Variants in DPP6 observed in about 807,000 individuals in gnomAD.
DPP6 encodes A-type potassium channel modulatory protein DPP6.
DPP6 carries 69 observed loss-of-function variants against 122.6 expected under a neutral mutation model. The ratio of observed to expected loss-of-function variants is 0.56; its 90% CI spans 0.46 to 0.69. The LOEUF (loss-of-function observed/expected upper bound fraction) is 0.69, where lower values mean the gene tolerates loss of function less well. Ranked by LOEUF, DPP6 falls within the 30% of genes least tolerant of loss-of-function variation. The probability of loss-of-function intolerance (pLI) is 0.00; values close to 1 mark genes in which losing one functional copy is unlikely to be tolerated. For missense variants in DPP6, 928 were observed against 1,116.9 expected (o/e 0.83, Z 2.41); for synonymous variants, 418 against 433.1 (o/e 0.97, Z 0.43).
chr7:153,873,904 G>C, the DPP6 span, among the ~76,000 whole-genome samples: 2 of 152,210 alleles, frequency 1.3e-5, no homozygotes, highest in African/African-American at 4.8e-5. Context: ...GATTTCTATA[G>C]ACTTGGGGTC....
At chr7:154,883,680 A>G (rs1805707007) in intron 21 of DPP6, 1 of 149,952 alleles carries the variant, frequency 6.7e-6, no homozygotes, top group Admixed American at 6.6e-5. Context: ...GATTACATAC[A>G]CCTGCTCACA....
At chr7:153,863,363 T>G in the DPP6 span, among the ~76,000 whole-genome samples, 1 of 152,178 alleles carries the variant, frequency 6.6e-6, no homozygotes, top group Non-Finnish European at 1.5e-5. Context: ...GTTCCAAGTC[T>G]TTGCTGTTGT....
chr7:153,772,523 CAAT>C, the DPP6 span, among the ~76,000 whole-genome samples: 2 of 151,606 alleles, frequency 1.3e-5, no homozygotes, highest in Non-Finnish European at 2.9e-5. Context: ...ACAATGAAAA[CAAT>C]AAGCAAAAAT....
In DPP6 at chr7:154,443,497, TTGACAG is replaced by T. The variant is rs1554551013; in HGVS notation, c.244-2716_244-2711del. Among the ~76,000 whole-genome samples, 510 of 112,714 alleles carry T rather than the reference TTGACAG, an allele frequency of 4.5e-3. 11 individuals are homozygous for T. The highest frequency in any genetic ancestry group is 0.019 in the African/African-American group (413 of 21,802). 73.9% of individuals were successfully genotyped at this position (112,714 alleles called of 152,430 possible). ...CATGTGTTGGATGGATGGATGTGGA[TTGACAG>T]ATACATGGATGGATGGATGGATGGA... On this transcript the variant is annotated intron_variant, in intron 1 of 25. Transcript: ENST00000377770.
chr7:154,574,008 GT>G (rs1831291041), intron 5 of DPP6, among the ~76,000 whole-genome samples: 1 of 152,158 alleles, frequency 6.6e-6, no homozygotes, highest in African/African-American at 2.4e-5. Flanking sequence ...TTGTTGTATT[GT>G]TTTGACACAG....
chr7:153,782,148 T>C, the DPP6 span, among the ~76,000 whole-genome samples: 1 of 151,950 alleles, frequency 6.6e-6, no homozygotes, highest in Non-Finnish European at 1.5e-5. Flanking sequence ...CCCAGCCCCA[T>C]CTTTTGGGGA....
chr7:154,200,802 A>C (rs57724365), intron 1 of DPP6, among the ~76,000 whole-genome samples: 15,584 of 152,228 alleles, frequency 0.1, 1,866 homozygotes, highest in African/African-American at 0.29. Context: ...ACACCTAGAA[A>C]GTTAGCCCCG....
chr7:154,619,315 G>C (rs530612772), intron 5 of DPP6, among the ~76,000 whole-genome samples: 2 of 152,288 alleles, frequency 1.3e-5, no homozygotes, highest in South Asian at 4.1e-4. Context: ...TCAAATCAAC[G>C]TAAGCCTCGT....
At chr7:154,736,491 AC>A (rs1215707407) in intron 8 of DPP6, among the ~76,000 whole-genome samples, 1 of 152,244 alleles carries the variant, frequency 6.6e-6, no homozygotes, top group African/African-American at 2.4e-5. Context: ...CTATTAAAAA[AC>A]ACAAAACCAA....
Position 154,663,183 on chromosome 7 carries a change from A to C in DPP6, c.681-6177A>C, listed in dbSNP as rs1417881043. The stretch of plus-strand genomic sequence containing the variant: ...CCATGGCGTATTGGCGGTAGTGTTC[A>C]TATAGTCATGGTGAATCAGCATGGT... On this transcript the variant is annotated intron_variant, in intron 6 of 25. Coordinates refer to ENST00000377770, the MANE Select transcript of DPP6 (RefSeq NM_130797.4). Among the ~76,000 whole-genome samples, 3 of 74,624 alleles carry C rather than the reference A, an allele frequency of 4.0e-5. 1 individual carries two copies. Among genetic ancestry groups the C allele is most frequent in the African/African-American group, 1.1e-4 (3 of 28,096 alleles). The allele number at this position is 74,624 out of a possible 152,430, so 49.0% of individuals were successfully genotyped here.
chr7:154,450,500 A>C (rs887108696), intron 2 of DPP6, among the ~76,000 whole-genome samples: 3 of 152,244 alleles, frequency 2.0e-5, no homozygotes, highest in African/African-American at 7.2e-5. Context: ...ACCTGGCCAC[A>C]AAAGTGCCAG....
intron 1 of DPP6, among the ~76,000 whole-genome samples, chr7:154,315,036 A>C (rs1807314447): frequency 6.6e-6 from 1 of 152,188 alleles, no homozygotes; most frequent in Non-Finnish European, 1.5e-5. Context: ...GTTCGTAGCA[A>C]TCTGTCATAT....
intron 5 of DPP6, among the ~76,000 whole-genome samples, chr7:154,599,242 G>T (rs1400414567): frequency 6.6e-6 from 1 of 152,116 alleles, no homozygotes; most frequent in African/African-American, 2.4e-5. Flanking sequence ...GAAAACAAAG[G>T]CCCCACAATG....
At chr7:154,675,450 A>G (rs1838841066) in intron 7 of DPP6, among the ~76,000 whole-genome samples, 1 of 152,156 alleles carries the variant, frequency 6.6e-6, no homozygotes, top group African/African-American at 2.4e-5. Context: ...TGGACTCCCA[A>G]AGATGTTCCC....
chr7:154,628,984 C>T (rs948305468), intron 5 of DPP6, among the ~76,000 whole-genome samples: 1 of 152,112 alleles, frequency 6.6e-6, no homozygotes, highest in South Asian at 2.1e-4. Flanking sequence ...TCAGACTTAA[C>T]TGTTTGATTG....
chr7:154,086,022 A>G (rs1450882921), intron 1 of DPP6, among the ~76,000 whole-genome samples: 1 of 151,960 alleles, frequency 6.6e-6, no homozygotes, highest in Non-Finnish European at 1.5e-5. Flanking sequence ...CACCGCACCC[A>G]GCCAGCATTT....
chr7:153,817,352 T>C, the DPP6 span, among the ~76,000 whole-genome samples: 2,387 of 141,140 alleles, frequency 0.017, 220 homozygotes, highest in African/African-American at 0.057. Flanking sequence ...TCAAAAGTAG[T>C]CATTTTTCTC....
rs1001679102 is a variant in DPP6, at chr7:154,282,685, G to A, written c.244-163529G>A. Among the ~76,000 whole-genome samples, 1 of 152,174 alleles carries A rather than the reference G, an allele frequency of 6.6e-6. No individual in the cohort carries two copies. Among genetic ancestry groups the A allele is most frequent in the Non-Finnish European group, 1.5e-5 (1 of 68,014 alleles). On this transcript the variant is annotated intron_variant, in intron 1 of 25. Coordinates refer to ENST00000377770, the MANE Select transcript of DPP6 (RefSeq NM_130797.4). This position sits in a 1 kb window ranked among gnomAD's most constrained non-coding sequence, Gnocchi z 4.8. ...GAAAGGAATTTGCACAGAGTGGTTTGTTTATACTAGTTAGGCATCAAAAAG... is the reference window on the plus strand; with the variant it reads ...GAAAGGAATTTGCACAGAGTGGTTTATTTATACTAGTTAGGCATCAAAAAG...
At chr7:154,237,974 G>A (rs1387577818) in intron 1 of DPP6, among the ~76,000 whole-genome samples, 1 of 152,196 alleles carries the variant, frequency 6.6e-6, no homozygotes, top group East Asian at 1.9e-4. Context: ...CTGCCAGCTC[G>A]TGTCTGAGAG....
Sources: gnomAD v4.1 joint callset for allele counts (sites outside exome capture counted in the v4.1 genomes callset) on GRCh38, gnomAD v4.1.1 for gene constraint, Gnocchi (gnomAD v3.1) non-coding constraint, MANE v1.5 for transcripts, NCBI Gene and HGNC (gene_info 2026-07-23, HGNC 2026-07-21) for gene names.